The following ARID1A variants were observed in gnomAD, a reference collection of about 807,000 sequenced individuals.
ARID1A encodes the protein AT-rich interactive domain-containing protein 1A.
A neutral mutation model predicts 212.6 loss-of-function variants in ARID1A; 20 were observed. That is an observed-to-expected ratio of 0.09 (90% CI 0.07 to 0.14). The LOEUF (loss-of-function observed/expected upper bound fraction) is 0.14. ARID1A is among the 10% of genes least tolerant of loss of function. ARID1A has a pLI of 1.00. For synonymous variants in ARID1A, 1,376 were observed against 1,222.1 expected, an observed-to-expected ratio of 1.13 and a Z score of -2.63; for missense variants, 2,587 against 3,059.0, an observed-to-expected ratio of 0.85 and a Z score of 3.64.
At position 26,697,041 on chromosome 1, in the gene ARID1A, A is replaced by G; in HGVS notation, c.638A>G (p.Asn213Ser). The change falls in exon 1 of 20, where the codon AAC (asparagine) becomes AGC (serine). Residue 213 changes from asparagine (N) to serine (S), a missense_variant. This residue lies in a region of ARID1A where 735 missense variants were observed against 590.6 expected (regional missense o/e 1.24). Transcript: ENST00000324856. Reference protein sequence around the residue: ...HDHGFPNHQYNSYYPNRSAYP... With the variant: ...HDHGFPNHQYSSYYPNRSAYP... ...CACGGCTTCCCCAACCACCAGTACA[A>G]CTCCTACTACCCCAACCGCAGCGCC... 2.0e-6 allele frequency: 3 copies of G among 1,536,176 alleles called. No individual in the cohort carries two copies. Among genetic ancestry groups the G allele is most frequent in the Non-Finnish European group, 2.6e-6 (3 of 1,145,780 alleles).
In ARID1A at chr1:26,774,817, T is replaced by A. The variant is rs2124120735; in HGVS notation, c.4590T>A (p.Asp1530Glu). 6.2e-7 allele frequency: 1 copy of A among 1,613,868 alleles called. No individual in the cohort carries two copies. The highest frequency in any genetic ancestry group is 8.5e-7 in the Non-Finnish European group (1 of 1,179,908). ...GPAYHGVNRT[D>E]EMLHTDQRAN... ...CCTATCATGGCGTGAACCGAACAGA[T>A]GAAATGCTGCACACAGATCAGAGGG... Residue 1530 changes from aspartate (D) to glutamate (E), a missense_variant, in exon 18 of 20, where the codon GAT (aspartate) becomes GAA (glutamate). Coordinates refer to ENST00000324856, the MANE Select transcript of ARID1A (RefSeq NM_006015.6). This position sits in a 1 kb window ranked among gnomAD's most constrained non-coding sequence, Gnocchi z 5.6.
rs111262971 is a variant in ARID1A, at chr1:26,771,277, A to G, written c.3357A>G (p.Ala1119=). 8.1e-6 allele frequency: 13 copies of G among 1,614,206 alleles called. 1 individual carries two copies. In the African/African-American group the frequency reaches 1.3e-4, roughly 17 times the overall value. ...RGEDPPPDIF[A]AADSKKSQPK... ...AAGACCCTCCCCCAGACATCTTTGCAGCTGCTGATTCCAAGAAGTCCCAGC... is the reference window on the plus strand; with the variant it reads ...AAGACCCTCCCCCAGACATCTTTGCGGCTGCTGATTCCAAGAAGTCCCAGC... The change falls in exon 12 of 20, where the codon GCA becomes GCG. Residue 1119 remains alanine, a synonymous_variant. Transcript: ENST00000324856. The surrounding 1 kb of genome is among the most constrained non-coding windows in gnomAD (Gnocchi z 5.4).
chr1:26,704,889 AG>A (rs1164429475), intron 1 of ARID1A, among the ~76,000 whole-genome samples: 2 of 151,842 alleles, frequency 1.3e-5, no homozygotes, highest in Non-Finnish European at 2.9e-5. Flanking sequence ...GTTTTTTATT[AG>A]GTTACTATGG....
intron 4 of ARID1A, among the ~76,000 whole-genome samples, chr1:26,739,129 C>T (rs1316451802): frequency 6.6e-6 from 1 of 152,052 alleles, no homozygotes; most frequent in Non-Finnish European, 1.5e-5. Context: ...CCTTGTGATC[C>T]ACCCACCTTG....
chr1:26,697,974 G>A (rs1286426062), intron 1 of ARID1A, among the ~76,000 whole-genome samples: 2 of 152,136 alleles, frequency 1.3e-5, no homozygotes, highest in Middle Eastern at 3.2e-3. Context: ...CTTCCTCTGG[G>A]CCGCCCCCCA....
At chr1:26,707,346 C>T (rs1238043869) in intron 1 of ARID1A, among the ~76,000 whole-genome samples, 1 of 151,240 alleles carries the variant, frequency 6.6e-6, no homozygotes, top group Non-Finnish European at 1.5e-5. Flanking sequence ...GTAGCTGGGA[C>T]TACAGGCGCC....
chr1:26,735,114 GA>G (rs1272618479), intron 4 of ARID1A, among the ~76,000 whole-genome samples: 11 of 148,824 alleles, frequency 7.4e-5, no homozygotes, highest in Non-Finnish European at 1.3e-4. Context: ...ATAAAATCCA[GA>G]ATTTTTTTTT....
chr1:26,767,695 A>C, intron 10 of ARID1A, 95 bp from the exon 11 acceptor site: 1 of 1,256,510 alleles, frequency 8.0e-7, no homozygotes, highest in Non-Finnish European at 1.1e-6. Context: ...CAGAGTAAGA[A>C]GCTTTAACAC....
At chr1:26,721,681 A>G (rs1013745317) in intron 1 of ARID1A, among the ~76,000 whole-genome samples, 2 of 152,238 alleles carry the variant, frequency 1.3e-5, no homozygotes, top group Admixed American at 1.3e-4. Flanking sequence ...GCCACCTGTT[A>G]TGGAAAATGT....
At chr1:26,704,585 C>T (rs1196613389) in intron 1 of ARID1A, among the ~76,000 whole-genome samples, 1 of 152,012 alleles carries the variant, frequency 6.6e-6, no homozygotes, top group Non-Finnish European at 1.5e-5. Flanking sequence ...TGGCCGGGCG[C>T]GGTAGCTCAC....
At chr1:26,768,104 C>A in intron 11 of ARID1A, 105 bp downstream of exon 11, 1 of 1,238,612 alleles carries the variant, frequency 8.1e-7, no homozygotes, top group Non-Finnish European at 1.1e-6. Flanking sequence ...GGACATCATC[C>A]CCTCTCCCGC....
At chr1:26,773,760 G>C (rs371784053) in intron 16 of ARID1A, 42 bp from the exon 17 acceptor site, 1 of 1,613,952 alleles carries the variant, frequency 6.2e-7, no homozygotes, top group Non-Finnish European at 8.5e-7. Context: ...ATCAGGCTTC[G>C]CCACTGCCCA....
At chr1:26,775,900 A>G in intron 19 of ARID1A, 193 bp downstream of exon 19, 1 of 821,638 alleles carries the variant, frequency 1.2e-6, no homozygotes, top group South Asian at 1.4e-5. Flanking sequence ...TGTTTACATG[A>G]TAACCTTAAC....
Position 26,763,110 on chromosome 1 carries a change from C to G in ARID1A, c.2557C>G (p.Leu853Val), listed in dbSNP as rs1318465791. ...GCCTGGCATCCCACCTTATGGCACA[C>G]TCCCTCCAGGGAGGATGAGTCACGC... ...GQPGIPPYGT[L>V]PPGRMSHASM... Residue 853 changes from leucine to valine, a missense_variant, in exon 8 of 20, where the codon CTC becomes GTC. This residue lies in a region of ARID1A where 674 missense variants were observed against 813.4 expected (regional missense o/e 0.83). Transcript: ENST00000324856. The G allele has an allele frequency of 1.2e-6, 2 of 1,614,284 alleles. No individual in the cohort carries two copies. Among genetic ancestry groups the G allele is most frequent in the Non-Finnish European group, 8.5e-7 (1 of 1,180,048 alleles).
chr1:26,696,643 TG>T lies in ARID1A; in HGVS notation c.245del (p.Gly82ValfsTer19). On this transcript the variant is annotated frameshift_variant, in exon 1 of 20. Coordinates refer to ENST00000324856, the MANE Select transcript of ARID1A (RefSeq NM_006015.6). LOFTEE classifies it high-confidence loss of function. Reference protein sequence around the residue: ...KELQDGAESNGGGGGGGAGSG... With the variant: ...KELQDGAESNXGGGGGGAGSG... ...AGCTGCAGGACGGGGCCGAGAGCAA[TG>T]GGGGTGGCGGCGGCGGCGGAGCCGG... 1 of 1,299,216 alleles carries T rather than the reference TG, an allele frequency of 7.7e-7. No homozygotes were observed. 80.5% of individuals were successfully genotyped at this position (1,299,216 alleles called of 1,614,324 possible).
At chr1:26,697,612 G>C in intron 1 of ARID1A, 72 bp downstream of exon 1, 1 of 1,246,626 alleles carries the variant, frequency 8.0e-7, no homozygotes, top group Non-Finnish European at 1.0e-6. Context: ...CGGTGAGCGG[G>C]CCACAGCCTT....
At chr1:26,718,628 T>C (rs2080527565) in intron 1 of ARID1A, among the ~76,000 whole-genome samples, 1 of 152,208 alleles carries the variant, frequency 6.6e-6, no homozygotes, top group South Asian at 2.1e-4. Flanking sequence ...CGTTAAATCA[T>C]CTCTAGATTA....
chr1:26,766,217 T>C lies in ARID1A; in HGVS notation c.2733-4T>C, dbSNP rs2124079033. 1 of 1,612,182 alleles carries C rather than the reference T, an allele frequency of 6.2e-7. No individual in the cohort carries two copies. The highest frequency in any genetic ancestry group is 8.5e-7 in the Non-Finnish European group (1 of 1,179,248). ...TCTCTCTCACTTTCCATCTTCTTCC[T>C]TAGGCCGCCAGGCTACCCCAATATG... On this transcript the variant is annotated splice_polypyrimidine_tract_variant and splice_region_variant and intron_variant, in intron 8 of 19. Transcript: ENST00000324856.
intron 1 of ARID1A, among the ~76,000 whole-genome samples, chr1:26,716,203 CAAAAA>C (rs111787612): frequency 3.4e-4 from 22 of 64,920 alleles, no homozygotes; most frequent in African/African-American, 1.4e-3. Context: ...GATTCCGTCT[CAAAAA>C]AAAAAAAAAA....
Sources: gnomAD v4.1 joint callset for allele counts (sites outside exome capture counted in the v4.1 genomes callset) on GRCh38, gnomAD v4.1.1 for gene constraint, gnomAD v4.1.1 regional missense constraint, Gnocchi (gnomAD v3.1) non-coding constraint, MANE v1.5 for transcripts, NCBI Gene and HGNC (gene_info 2026-07-23, HGNC 2026-07-21) for gene names.